KIAA0232: variants seen among roughly 807,000 people sequenced by gnomAD.
The protein encoded by KIAA0232 is KIAA0232.
Under a neutral mutation model 122.0 loss-of-function variants are expected in KIAA0232, and 27 were observed. That is an observed-to-expected ratio of 0.22 (90% CI 0.16 to 0.31). The LOEUF is 0.31. Among genes scored for constraint, KIAA0232 ranks in the 10% least tolerant of loss-of-function variants. The probability of loss-of-function intolerance (pLI) is 1.00; values close to 1 mark genes in which losing one functional copy is unlikely to be tolerated. For synonymous variants in KIAA0232, 613 were observed against 587.6 expected (o/e 1.04, Z -0.63); for missense variants, 1,551 against 1,634.2 (o/e 0.95, Z 0.88).
chr4:6,876,729 A>G lies in KIAA0232; in HGVS notation c.3980A>G (p.Asn1327Ser). 6.2e-7 allele frequency: 1 copy of G among 1,612,970 alleles called. No individual in the cohort carries two copies. Among genetic ancestry groups the G allele is most frequent in the Non-Finnish European group, 8.5e-7 (1 of 1,178,944 alleles). Residue 1327 changes from asparagine to serine, a missense_variant, in exon 9 of 10, where the codon AAT becomes AGT. By Grantham distance (46) the Asn-to-Ser change is conservative. Coordinates refer to ENST00000307659, the MANE Select transcript of KIAA0232 (RefSeq NM_014743.3). ...CCAGATGCTAAAGAGACACCCAGTA[A>G]TGAAGAGCGCCTGTTAGATTTTAAT... ...EYPDAKETPS[N>S]EERLLDFNRV...
intron 2 of KIAA0232, among the ~76,000 whole-genome samples, chr4:6,807,416 T>G (rs1274187843): frequency 2.6e-5 from 4 of 152,210 alleles, no homozygotes; most frequent in Non-Finnish European, 5.9e-5. Context: ...AGCATGGAAT[T>G]TCTCAATCTT....
chr4:6,818,887 C>T (rs1003852987), intron 2 of KIAA0232, among the ~76,000 whole-genome samples: 1 of 151,962 alleles, frequency 6.6e-6, no homozygotes, highest in Non-Finnish European at 1.5e-5. Context: ...ATATGTAGAC[C>T]AATGGAACGG....
intron 4 of KIAA0232, among the ~76,000 whole-genome samples, chr4:6,850,095 A>G (rs1272803860): frequency 6.6e-6 from 1 of 152,222 alleles, no homozygotes; most frequent in Non-Finnish European, 1.5e-5. Flanking sequence ...AGAATATGAG[A>G]GCAGACACAG....
intron 2 of KIAA0232, among the ~76,000 whole-genome samples, chr4:6,805,286 C>T (rs538123265): frequency 2.0e-5 from 3 of 152,170 alleles, no homozygotes; most frequent in African/African-American, 7.2e-5. Context: ...TACTTTGATC[C>T]TATTCTGAGT....
intron 3 of KIAA0232, among the ~76,000 whole-genome samples, chr4:6,829,115 C>G (rs1009929062): frequency 5.9e-5 from 9 of 151,970 alleles, no homozygotes; most frequent in African/African-American, 2.2e-4. Flanking sequence ...AGAGTCCAGG[C>G]CAGTTTTGCA....
chr4:6,865,750 C>G (rs1024075887), intron 7 of KIAA0232, among the ~76,000 whole-genome samples: 3 of 152,204 alleles, frequency 2.0e-5, no homozygotes, highest in African/African-American at 7.2e-5. Flanking sequence ...AGACTTATTT[C>G]ATATACCACC....
intron 7 of KIAA0232, among the ~76,000 whole-genome samples, chr4:6,869,004 C>T (rs745465108): frequency 1.1e-4 from 17 of 152,284 alleles, no homozygotes; most frequent in Non-Finnish European, 2.2e-4. Flanking sequence ...CTTTTCTTCA[C>T]GTCAGCAGAC....
intron 2 of KIAA0232, among the ~76,000 whole-genome samples, chr4:6,808,471 A>G (rs1470589099): frequency 6.9e-6 from 1 of 145,952 alleles, no homozygotes; most frequent in Non-Finnish European, 1.5e-5. Flanking sequence ...TTGCAGAAGT[A>G]CCATACTAGA....
At chr4:6,823,088 T>TA (rs201288370) in intron 2 of KIAA0232, among the ~76,000 whole-genome samples, 2,337 of 151,962 alleles carry the variant, frequency 0.015, 57 homozygotes, top group African/African-American at 0.053. Flanking sequence ...TTCATCCATG[T>TA]CCCTATAAAG....
intron 4 of KIAA0232, among the ~76,000 whole-genome samples, chr4:6,849,287 CAAGG>C (rs1252384801): frequency 1.3e-5 from 2 of 152,044 alleles, no homozygotes; most frequent in African/African-American, 4.8e-5. Context: ...GGGGAGGAGA[CAAGG>C]AAGACAGCCA....
At chr4:6,873,139 A>G (rs751095083) in intron 8 of KIAA0232, among the ~76,000 whole-genome samples, 6 of 147,698 alleles carry the variant, frequency 4.1e-5, no homozygotes, top group Admixed American at 1.3e-4. Flanking sequence ...TTTCTTTTAC[A>G]TAATTCCCAC....
Position 6,861,651 on chromosome 4 carries a change from A to T in KIAA0232, c.1269A>T (p.Thr423=), listed in dbSNP as rs1406879898. The T allele has an allele frequency of 1.2e-6, 2 of 1,614,004 alleles. No homozygotes were observed. Among genetic ancestry groups the T allele is most frequent in the African/African-American group, 2.7e-5 (2 of 74,926 alleles). ...GCAGAAAAAGTAAACTAGAGACCAC[A>T]TACCGAAACAGACAGGATACAAGTG... The part of the protein sequence containing the change: ...PLSRKSKLET[T]YRNRQDTSDL... The change falls in exon 7 of 10, where the codon ACA becomes ACT. Residue 423 remains threonine (T), a synonymous_variant. Coordinates refer to ENST00000307659, the MANE Select transcript of KIAA0232 (RefSeq NM_014743.3).
Position 6,863,491 on chromosome 4 carries a change from T to C in KIAA0232, c.3109T>C (p.Tyr1037His). The C allele has an allele frequency of 6.2e-7, 1 of 1,614,218 alleles. No individual in the cohort carries two copies. Among genetic ancestry groups the C allele is most frequent in the Non-Finnish European group, 8.5e-7 (1 of 1,180,032 alleles). ...NFQVEDPGLEYSFSSFDLSNP... is the reference protein window; with the variant it reads ...NFQVEDPGLEHSFSSFDLSNP... ...TCAAGTCGAAGATCCTGGACTTGAA[T>C]ACTCATTTTCTTCCTTTGACTTAAG... Residue 1037 changes from tyrosine to histidine, a missense_variant, in exon 7 of 10, where the codon TAC becomes CAC. Tyr to His is a moderately conservative substitution (Grantham distance 83). Transcript: ENST00000307659.
chr4:6,792,065 T>A (rs1228188715), intron 1 of KIAA0232, among the ~76,000 whole-genome samples: 1 of 152,214 alleles, frequency 6.6e-6, no homozygotes. Context: ...TCTGCCATGA[T>A]TGTGAGGCCT....
At chr4:6,800,043 CTTT>C (rs752428517) in intron 1 of KIAA0232, among the ~76,000 whole-genome samples, 20 of 60,074 alleles carry the variant, frequency 3.3e-4, no homozygotes, top group African/African-American at 6.5e-4. Flanking sequence ...TTCTTTCTTT[CTTT>C]TTTTTTTTTT....
chr4:6,830,089 C>A (rs997606010), intron 3 of KIAA0232, among the ~76,000 whole-genome samples: 4 of 152,196 alleles, frequency 2.6e-5, no homozygotes, highest in Admixed American at 2.0e-4. Flanking sequence ...CTGGCTTAAA[C>A]AGAAGTAATA....
intron 3 of KIAA0232, among the ~76,000 whole-genome samples, chr4:6,826,839 G>A (rs1254136754): frequency 6.6e-6 from 1 of 152,104 alleles, no homozygotes; most frequent in East Asian, 1.9e-4. Context: ...GGGTGCTACA[G>A]GACATATAGG....
At chr4:6,801,406 A>G (rs1717378348) in intron 1 of KIAA0232, among the ~76,000 whole-genome samples, 1 of 152,190 alleles carries the variant, frequency 6.6e-6, no homozygotes, top group Admixed American at 6.6e-5. Context: ...AGATGCCACT[A>G]GGCCAGGCAT....
intron 2 of KIAA0232, among the ~76,000 whole-genome samples, chr4:6,807,159 C>G (rs1379425101): frequency 6.6e-6 from 1 of 152,036 alleles, no homozygotes; most frequent in African/African-American, 2.4e-5. Flanking sequence ...CTCAGCTTCT[C>G]CAATAGCTAG....
Sources: allele counts gnomAD v4.1 joint callset (sites outside exome capture counted in the v4.1 genomes callset), GRCh38; gene constraint gnomAD v4.1.1; transcripts MANE v1.5; gene names NCBI Gene and HGNC (gene_info 2026-07-23, HGNC 2026-07-21).